ATRNL1: variants seen among roughly 807,000 people sequenced by gnomAD.
ATRNL1 encodes attractin-like protein 1.
In ATRNL1, 95 loss-of-function variants were observed where a neutral mutation model predicts 182.7. That is an observed-to-expected ratio of 0.52 (90% CI 0.44 to 0.62). The LOEUF is 0.62. ATRNL1 is among the 20% of genes least tolerant of loss of function. The pLI, the probability that ATRNL1 is intolerant of heterozygous loss-of-function variation, is 0.00. For missense variants in ATRNL1, 1,471 were observed against 1,679.5 expected (o/e 0.88, Z 2.17); for synonymous variants, 576 against 568.3 (o/e 1.01, Z -0.19).
At chr10:115,355,492 A>G (rs1856463694) in intron 19 of ATRNL1, among the ~76,000 whole-genome samples, 1 of 152,120 alleles carries the variant, frequency 6.6e-6, no homozygotes, top group Non-Finnish European at 1.5e-5. Flanking sequence ...CCAGAAGCAT[A>G]AGGAGCCCTT....
chr10:115,696,587 A>G (rs1357182754), intron 26 of ATRNL1, among the ~76,000 whole-genome samples: 1 of 152,178 alleles, frequency 6.6e-6, no homozygotes, highest in African/African-American at 2.4e-5. Context: ...GAATCTCCAT[A>G]CTGTCTTCCA....
At chr10:115,542,967 A>T (rs11197285) in intron 25 of ATRNL1, among the ~76,000 whole-genome samples, 106,345 of 151,934 alleles carry the variant, frequency 0.7, 38,325 homozygotes, top group African/African-American at 0.79. Flanking sequence ...CCATGTTTAT[A>T]AACTTCATTT....
At chr10:115,539,488 G>A (rs1232199794) in intron 25 of ATRNL1, among the ~76,000 whole-genome samples, 2 of 152,162 alleles carry the variant, frequency 1.3e-5, no homozygotes, top group East Asian at 3.9e-4. Context: ...CCATCTAGAA[G>A]TTTGCCATTT....
chr10:115,352,443 G>T (rs1260777202), intron 19 of ATRNL1, among the ~76,000 whole-genome samples: 1 of 151,708 alleles, frequency 6.6e-6, no homozygotes, highest in Non-Finnish European at 1.5e-5. Flanking sequence ...TGTTTTTGTG[G>T]TGTCCCATAG....
chr10:115,607,605 T>C (rs1856936936), intron 26 of ATRNL1, among the ~76,000 whole-genome samples: 1 of 151,906 alleles, frequency 6.6e-6, no homozygotes, highest in South Asian at 2.1e-4. Context: ...GTTAGTACCC[T>C]AAGGTCACAG....
At chr10:115,631,915 G>C (rs1858536763) in intron 26 of ATRNL1, among the ~76,000 whole-genome samples, 1 of 151,980 alleles carries the variant, frequency 6.6e-6, no homozygotes. Context: ...CCATATTTAA[G>C]GGGAAATAAG....
At chr10:115,750,311 A>G (rs1555070346) in intron 27 of ATRNL1, among the ~76,000 whole-genome samples, 2 of 151,940 alleles carry the variant, frequency 1.3e-5, no homozygotes, top group African/African-American at 4.8e-5. Context: ...GAATTAAAAT[A>G]TATATAGATC....
At chr10:115,293,080 A>G (rs373124060) in intron 15 of ATRNL1, among the ~76,000 whole-genome samples, 18 of 152,136 alleles carry the variant, frequency 1.2e-4, no homozygotes, top group East Asian at 7.8e-4. Context: ...CTCTTACTGA[A>G]TTAATCCCTT....
At chr10:115,408,020 G>A (rs1397088640) in intron 20 of ATRNL1, among the ~76,000 whole-genome samples, 6 of 122,462 alleles carry the variant, frequency 4.9e-5, no homozygotes, top group African/African-American at 1.4e-4. Context: ...TTTTTGAGAC[G>A]GAGTCTCGCT....
At chr10:115,495,447 G>A (rs2133608570) in intron 24 of ATRNL1, among the ~76,000 whole-genome samples, 1 of 152,084 alleles carries the variant, frequency 6.6e-6, no homozygotes, top group African/African-American at 2.4e-5. Context: ...TTTTTGATGT[G>A]GACGTTTAGC....
intron 28 of ATRNL1, among the ~76,000 whole-genome samples, chr10:115,869,006 T>G (rs1167252612): frequency 6.6e-6 from 1 of 151,862 alleles, no homozygotes; most frequent in Non-Finnish European, 1.5e-5. Flanking sequence ...ATTTTTTGTA[T>G]TTTTAGTAGA....
chr10:115,922,180 A>G (rs1462801217), intron 28 of ATRNL1, among the ~76,000 whole-genome samples: 1 of 152,168 alleles, frequency 6.6e-6, no homozygotes, highest in Admixed American at 6.5e-5. Context: ...GCGTATGGAC[A>G]GTTTGACATT....
At chr10:115,177,323 G>A (rs1554886938) in intron 8 of ATRNL1, among the ~76,000 whole-genome samples, 1 of 152,086 alleles carries the variant, frequency 6.6e-6, no homozygotes, top group African/African-American at 2.4e-5. Context: ...TGGAAATGAT[G>A]GGTGGAACCA....
chr10:115,374,922 G>A (rs963795599), intron 19 of ATRNL1, among the ~76,000 whole-genome samples: 2 of 151,638 alleles, frequency 1.3e-5, no homozygotes, highest in African/African-American at 4.8e-5. Flanking sequence ...TTCCTTGTGT[G>A]TTTGAGAAGA....
chr10:115,591,864 G>A (rs2769406), intron 26 of ATRNL1, among the ~76,000 whole-genome samples: 72,400 of 152,008 alleles, frequency 0.48, 18,699 homozygotes, highest in East Asian at 0.84. Flanking sequence ...AAAAAGACAC[G>A]TGCACTCTTA....
chr10:115,629,383 C>T (rs1001273751), intron 26 of ATRNL1, among the ~76,000 whole-genome samples: 1 of 151,828 alleles, frequency 6.6e-6, no homozygotes, highest in Non-Finnish European at 1.5e-5. Context: ...AATGTCTATT[C>T]TACTCCAAGT....
intron 27 of ATRNL1, among the ~76,000 whole-genome samples, chr10:115,838,247 A>G (rs1950724253): frequency 6.6e-6 from 1 of 152,192 alleles, no homozygotes; most frequent in African/African-American, 2.4e-5. Context: ...AATTCTTGAA[A>G]TTGCAAAGGC....
intron 28 of ATRNL1, among the ~76,000 whole-genome samples, chr10:115,923,621 A>G (rs1278574384): frequency 6.6e-6 from 1 of 152,106 alleles, no homozygotes; most frequent in Non-Finnish European, 1.5e-5. Context: ...TCCATGGTGT[A>G]TATGTACCAC....
chr10:115,163,617 C>T (rs1057023003), intron 6 of ATRNL1, among the ~76,000 whole-genome samples: 10 of 152,068 alleles, frequency 6.6e-5, no homozygotes, highest in African/African-American at 1.9e-4. Context: ...CCTCCCACCT[C>T]GGCTTCTCAA....
Sources: allele counts gnomAD v4.1 joint callset (sites outside exome capture counted in the v4.1 genomes callset), GRCh38; gene constraint gnomAD v4.1.1; transcripts MANE v1.5; gene names NCBI Gene and HGNC (gene_info 2026-07-23, HGNC 2026-07-21).